The following ZSWIM5 variants were observed in gnomAD, a reference collection of about 807,000 sequenced individuals.
The protein encoded by ZSWIM5 is zinc finger SWIM domain-containing protein 5.
Under a neutral mutation model 119.6 loss-of-function variants are expected in ZSWIM5, and 55 were observed. The ratio of observed to expected loss-of-function variants is 0.46; its 90% CI spans 0.37 to 0.58. ZSWIM5 has a LOEUF of 0.58. Among genes scored for constraint, ZSWIM5 ranks in the 20% least tolerant of loss-of-function variants. The pLI is 0.00. For missense variants in ZSWIM5, 1,193 were observed against 1,512.8 expected, an observed-to-expected ratio of 0.79 and a Z score of 3.51; for synonymous variants, 537 against 606.9, an observed-to-expected ratio of 0.88 and a Z score of 1.69.
At chr1:45,083,283 CAG>C (rs770821119) in intron 2 of ZSWIM5, among the ~76,000 whole-genome samples, 1 of 151,724 alleles carries the variant, frequency 6.6e-6, no homozygotes, top group Non-Finnish European at 1.5e-5. Flanking sequence ...TTTTTTGAGA[CAG>C]AGTCTTACTC....
intron 5 of ZSWIM5, among the ~76,000 whole-genome samples, chr1:45,049,795 C>G (rs1645079384): frequency 6.6e-6 from 1 of 151,506 alleles, no homozygotes; most frequent in Admixed American, 6.6e-5. Flanking sequence ...GCCTGGGCAA[C>G]AGAACAAAGC....
At chr1:45,023,647 T>C (rs1644902619) in intron 11 of ZSWIM5, among the ~76,000 whole-genome samples, 2 of 152,314 alleles carry the variant, frequency 1.3e-5, no homozygotes, top group East Asian at 3.9e-4. Flanking sequence ...GGAGCAATTA[T>C]AAATAAAGAT....
chr1:45,153,519 A>G (rs77900005), intron 1 of ZSWIM5, among the ~76,000 whole-genome samples: 1 of 151,672 alleles, frequency 6.6e-6, no homozygotes, highest in African/African-American at 2.4e-5. Flanking sequence ...AAAAAAAAAA[A>G]GAATTAAAAA....
chr1:45,026,593 C>T (rs745924771), intron 11 of ZSWIM5, among the ~76,000 whole-genome samples: 1 of 152,102 alleles, frequency 6.6e-6, no homozygotes, highest in Non-Finnish European at 1.5e-5. Flanking sequence ...GTGGTTCATT[C>T]TTTTTATACA....
chr1:45,124,871 A>G (rs1645611162), intron 1 of ZSWIM5, among the ~76,000 whole-genome samples: 1 of 152,224 alleles, frequency 6.6e-6, no homozygotes, highest in Admixed American at 6.5e-5. Flanking sequence ...TTACATAATG[A>G]TAGAGTCAAT....
At chr1:45,085,673 AG>A (rs1645323155) in intron 2 of ZSWIM5, among the ~76,000 whole-genome samples, 1 of 152,078 alleles carries the variant, frequency 6.6e-6, no homozygotes. Flanking sequence ...ACAGATCCCA[AG>A]GGCAGGGGCA....
intron 1 of ZSWIM5, among the ~76,000 whole-genome samples, chr1:45,145,138 A>G (rs1429374397): frequency 6.6e-6 from 1 of 152,220 alleles, no homozygotes; most frequent in East Asian, 1.9e-4. Flanking sequence ...AGTGAAAATG[A>G]GTAAAATAAA....
intron 3 of ZSWIM5, among the ~76,000 whole-genome samples, chr1:45,059,580 T>C (rs1244380097): frequency 1.3e-5 from 2 of 152,000 alleles, no homozygotes; most frequent in Non-Finnish European, 2.9e-5. Context: ...TGTCCTAAAG[T>C]TGATTGTGGT....
intron 1 of ZSWIM5, among the ~76,000 whole-genome samples, chr1:45,121,135 T>C (rs1645589309): frequency 2.0e-5 from 3 of 152,238 alleles, no homozygotes; most frequent in Non-Finnish European, 4.4e-5. Flanking sequence ...ATTTTTTTAG[T>C]AGAGACAGGG....
chr1:45,097,431 C>T (rs1645409978), intron 1 of ZSWIM5, among the ~76,000 whole-genome samples: 1 of 152,086 alleles, frequency 6.6e-6, no homozygotes, highest in African/African-American at 2.4e-5. Flanking sequence ...GTGAAAAAGC[C>T]TTAACATTTA....
chr1:45,158,775 C>T (rs1645846200), intron 1 of ZSWIM5, among the ~76,000 whole-genome samples: 1 of 152,096 alleles, frequency 6.6e-6, no homozygotes, highest in East Asian at 1.9e-4. Context: ...CTGCAAAACT[C>T]TAAAAATTTA....
rs1013199500 is a variant in ZSWIM5, at chr1:45,105,420, ATG to A, written c.596-17185_596-17184del. On this transcript the variant is annotated intron_variant, in intron 1 of 13. Transcript: ENST00000359600. Reference sequence around the variant, plus strand: ...TCTGCCCGGCCGCCCATCGTCTGGGATGTGAGGTGTGCCTCTGCCCGGCCGCC... The same window carrying A: ...TCTGCCCGGCCGCCCATCGTCTGGGATGAGGTGTGCCTCTGCCCGGCCGCC... Among the ~76,000 whole-genome samples, 164 of 150,018 alleles carry A rather than the reference ATG, an allele frequency of 1.1e-3. 1 individual carries two copies. The highest frequency in any genetic ancestry group is 1.2e-3 in the Non-Finnish European group (79 of 67,546).
At position 45,066,812 on chromosome 1, in the gene ZSWIM5, G is replaced by A. The variant is rs543558318; in HGVS notation, c.953-6565C>T. On this transcript the variant is annotated intron_variant, in intron 2 of 13. Transcript: ENST00000359600. ...GGAAATTGAAAGATCAGTTAGATTG[G>A]CTACTATAGCAATTTACGTGAGAGA... Among the ~76,000 whole-genome samples, 8 of 152,268 alleles carry A rather than the reference G, an allele frequency of 5.3e-5. No individual in the cohort carries two copies. In the East Asian group the frequency reaches 1.4e-3, roughly 26 times the overall value.
In ZSWIM5 at chr1:45,088,231, T is replaced by C; in HGVS notation, c.602A>G (p.His201Arg). The C allele has an allele frequency of 6.3e-7, 1 of 1,588,964 alleles. No individual in the cohort carries two copies. The highest frequency in any genetic ancestry group is 8.6e-7 in the Non-Finnish European group (1 of 1,166,118). The change falls in exon 2 of 14, where the codon CAT (histidine) becomes CGT (arginine). Residue 201 changes from histidine to arginine, a missense_variant. Transcript: ENST00000359600. The surrounding 1 kb of genome is among the most constrained non-coding windows in gnomAD (Gnocchi z 4.2). ...CAGCTCAGTTACTGTGCCACTCAGA[T>C]GAAAGCCTAAGGAAACACAAAAGAA... ...SVENVLQVGFHLSGTVTELAT... is the reference protein window; with the variant it reads ...SVENVLQVGFRLSGTVTELAT...
At chr1:45,035,894 T>A (rs1644980362) in intron 9 of ZSWIM5, 71 bp from the exon 10 acceptor site, 1 of 1,592,622 alleles carries the variant, frequency 6.3e-7, no homozygotes. Context: ...TGAGCCCCAG[T>A]ATCTCATGCA....
intron 5 of ZSWIM5, among the ~76,000 whole-genome samples, chr1:45,045,919 G>A (rs889753879): frequency 6.6e-6 from 1 of 152,120 alleles, no homozygotes; most frequent in South Asian, 2.1e-4. Context: ...TGTTAGGCAG[G>A]GGGTTATTGT....
chr1:45,172,401 T>C (rs905823872), intron 1 of ZSWIM5, among the ~76,000 whole-genome samples: 3 of 152,140 alleles, frequency 2.0e-5, no homozygotes, highest in African/African-American at 7.2e-5. Flanking sequence ...AAATTAGCAG[T>C]GCAGATATAT....
intron 1 of ZSWIM5, among the ~76,000 whole-genome samples, chr1:45,125,054 T>C (rs1007065960): frequency 8.9e-5 from 13 of 146,060 alleles, no homozygotes; most frequent in African/African-American, 3.6e-4. Context: ...AATAAATATA[T>C]AGAAGAACTC....
chr1:45,146,563 C>T (rs565394826), intron 1 of ZSWIM5, among the ~76,000 whole-genome samples: 7 of 151,028 alleles, frequency 4.6e-5, no homozygotes, highest in Admixed American at 4.0e-4. Flanking sequence ...CCTCAGCCTC[C>T]TGAGTAGCTG....
Sources: allele counts gnomAD v4.1 joint callset (sites outside exome capture counted in the v4.1 genomes callset), GRCh38; gene constraint gnomAD v4.1.1; non-coding constraint Gnocchi (gnomAD v3.1); transcripts MANE v1.5; gene names NCBI Gene and HGNC (gene_info 2026-07-23, HGNC 2026-07-21).